CAST: variants seen among roughly 807,000 people sequenced by gnomAD.
CAST encodes the protein calpastatin, also known as MIR583 host.
In CAST, 76 loss-of-function variants were observed where a neutral mutation model predicts 119.6. The observed-to-expected ratio is 0.64, with a 90% CI of 0.53 to 0.77. The LOEUF (loss-of-function observed/expected upper bound fraction) is 0.77. Ranked by LOEUF, CAST falls within the 30% of genes least tolerant of loss-of-function variation. CAST has a pLI of 0.00. For missense variants in CAST, 953 were observed against 946.5 expected, an observed-to-expected ratio of 1.01 and a Z score of -0.09; for synonymous variants, 319 against 331.6, an observed-to-expected ratio of 0.96 and a Z score of 0.41.
At chr5:96,559,627 C>T (rs924710835) in intron 1 of CAST, among the ~76,000 whole-genome samples, 14 of 152,170 alleles carry the variant, frequency 9.2e-5, no homozygotes, top group African/African-American at 3.1e-4. Context: ...GAATAAAATA[C>T]CTAGGAATCC....
At chr5:96,752,539 AAACCTC>A (rs1561582359) in intron 20 of CAST, among the ~76,000 whole-genome samples, 2 of 80,448 alleles carry the variant, frequency 2.5e-5, no homozygotes, top group Admixed American at 1.5e-4. Context: ...AACAGGTTAG[AAACCTC>A]AGGGATAACC....
chr5:96,404,755 G>C, the CAST span, among the ~76,000 whole-genome samples: 1 of 152,154 alleles, frequency 6.6e-6, no homozygotes, highest in Non-Finnish European at 1.5e-5. Flanking sequence ...ACTTGAGTTT[G>C]AATTTCTTTG....
the CAST span, among the ~76,000 whole-genome samples, chr5:96,466,148 A>G: frequency 6.6e-6 from 1 of 152,140 alleles, no homozygotes; most frequent in Non-Finnish European, 1.5e-5. Flanking sequence ...TAAATTCACT[A>G]ACTAGAGTAC....
chr5:96,114,035 G>A, the CAST span, among the ~76,000 whole-genome samples: 1 of 152,218 alleles, frequency 6.6e-6, no homozygotes, highest in South Asian at 2.1e-4. Context: ...CAAGAAACAT[G>A]TTTTTTAAAG....
chr5:96,662,579 T>C (rs1405314972), intron 1 of CAST, 82 bp downstream of exon 1: 35 of 1,299,866 alleles, frequency 2.7e-5, no homozygotes, highest in Non-Finnish European at 3.3e-5. Context: ...CCCTGGGCGT[T>C]GCCAGGCTGG....
chr5:96,465,212 T>C, the CAST span, among the ~76,000 whole-genome samples: 1 of 152,074 alleles, frequency 6.6e-6, no homozygotes, highest in African/African-American at 2.4e-5. Flanking sequence ...TTATATTTTG[T>C]CATTTACAAA....
At chr5:96,700,905 T>A (rs1368116027) in intron 3 of CAST, among the ~76,000 whole-genome samples, 1 of 152,038 alleles carries the variant, frequency 6.6e-6, no homozygotes, top group Non-Finnish European at 1.5e-5. Context: ...CCACCTGACT[T>A]ACAGCAGAAG....
chr5:96,520,090 T>A, the CAST span, among the ~76,000 whole-genome samples: 1 of 152,204 alleles, frequency 6.6e-6, no homozygotes, highest in Non-Finnish European at 1.5e-5. Context: ...CCCCTCCTAG[T>A]CTTCATACGT....
the CAST span, among the ~76,000 whole-genome samples, chr5:95,967,454 A>G: frequency 6.6e-6 from 1 of 152,072 alleles, no homozygotes. Flanking sequence ...ATAAATAAGT[A>G]AATTGATGTG....
At chr5:96,096,465 T>C in the CAST span, among the ~76,000 whole-genome samples, 13 of 152,220 alleles carry the variant, frequency 8.5e-5, no homozygotes, top group Admixed American at 7.9e-4. Flanking sequence ...AGGAAGGTGA[T>C]AGAACAAGAC....
At chr5:96,359,737 C>A in the CAST span, among the ~76,000 whole-genome samples, 1 of 152,178 alleles carries the variant, frequency 6.6e-6, no homozygotes, top group East Asian at 1.9e-4. Context: ...TGTGGGTAAC[C>A]TGACCTTTCT....
the CAST span, among the ~76,000 whole-genome samples, chr5:96,293,755 GATTATT>G: frequency 7.2e-5 from 11 of 151,836 alleles, no homozygotes; most frequent in African/African-American, 1.5e-4. Context: ...GTAAATGCCA[GATTATT>G]ATTATTATTA....
the CAST span, among the ~76,000 whole-genome samples, chr5:95,997,808 C>A: frequency 1.3e-5 from 2 of 152,072 alleles, no homozygotes; most frequent in East Asian, 3.9e-4. Flanking sequence ...TTCTCTTCTG[C>A]CAAACTGTCA....
chr5:96,739,159 A>G (rs1344266188), intron 11 of CAST, among the ~76,000 whole-genome samples: 1 of 152,216 alleles, frequency 6.6e-6, no homozygotes, highest in Non-Finnish European at 1.5e-5. Flanking sequence ...CTTTGCATTT[A>G]TCAGATTAGC....
At chr5:96,221,603 T>G in the CAST span, among the ~76,000 whole-genome samples, 1 of 151,948 alleles carries the variant, frequency 6.6e-6, no homozygotes, top group Non-Finnish European at 1.5e-5. Context: ...TGAAAGAAGT[T>G]GAAGAGGACA....
At chr5:96,511,422 G>A in the CAST span, among the ~76,000 whole-genome samples, 5 of 139,708 alleles carry the variant, frequency 3.6e-5, no homozygotes, top group South Asian at 2.3e-4. Flanking sequence ...GATTACAGGC[G>A]TGAGCCACTG....
intron 1 of CAST, among the ~76,000 whole-genome samples, chr5:96,540,663 C>T (rs898182832): frequency 3.3e-5 from 5 of 152,154 alleles, no homozygotes; most frequent in Non-Finnish European, 5.9e-5. Flanking sequence ...TCTTCTGTTT[C>T]CGGATCTCAT....
chr5:96,503,192 G>A, the CAST span, among the ~76,000 whole-genome samples: 1 of 152,184 alleles, frequency 6.6e-6, no homozygotes, highest in African/African-American at 2.4e-5. Context: ...TATTTCACTA[G>A]TTACTAGGAG....
At chr5:96,231,093 A>C in the CAST span, among the ~76,000 whole-genome samples, 1 of 152,148 alleles carries the variant, frequency 6.6e-6, no homozygotes, top group Non-Finnish European at 1.5e-5. Flanking sequence ...AATGGTAAAC[A>C]TAGATTTACC....
Sources: allele counts gnomAD v4.1 joint callset (sites outside exome capture counted in the v4.1 genomes callset), GRCh38; gene constraint gnomAD v4.1.1; transcripts MANE v1.5; gene names NCBI Gene and HGNC (gene_info 2026-07-23, HGNC 2026-07-21).